The following LHFPL3 variants were observed in gnomAD, a reference collection of about 807,000 sequenced individuals.
LHFPL3 encodes the protein LHFPL tetraspan subfamily member 3 protein.
Under a neutral mutation model 19.3 loss-of-function variants are expected in LHFPL3, and 5 were observed. The ratio of observed to expected loss-of-function variants is 0.26; its 90% confidence interval spans 0.14 to 0.54. The LOEUF is 0.54. Among genes scored for constraint, LHFPL3 ranks in the 20% least tolerant of loss-of-function variants. LHFPL3 has a pLI of 0.94. For missense variants in LHFPL3, 249 were observed against 307.4 expected, an observed-to-expected ratio of 0.81 and a Z score of 1.42; for synonymous variants, 133 against 126.2, an observed-to-expected ratio of 1.05 and a Z score of -0.36.
intron 2 of LHFPL3, among the ~76,000 whole-genome samples, chr7:104,812,458 C>G (rs1323337876): frequency 6.6e-6 from 1 of 152,086 alleles, no homozygotes; most frequent in Non-Finnish European, 1.5e-5. Flanking sequence ...AATCTCTACA[C>G]CAGCCTAGGC....
At chr7:104,648,851 C>T (rs972805955) in intron 1 of LHFPL3, among the ~76,000 whole-genome samples, 4 of 152,206 alleles carry the variant, frequency 2.6e-5, no homozygotes, top group Non-Finnish European at 5.9e-5. Flanking sequence ...TCTTCATCGC[C>T]ATGCAGTGCT....
chr7:104,535,677 C>T (rs1051398957), intron 1 of LHFPL3, among the ~76,000 whole-genome samples: 5 of 152,160 alleles, frequency 3.3e-5, no homozygotes. Context: ...CAAAAAAGCC[C>T]TGTGCCCGTG....
intron 1 of LHFPL3, among the ~76,000 whole-genome samples, chr7:104,604,644 A>G (rs1236454468): frequency 6.6e-6 from 1 of 152,226 alleles, no homozygotes; most frequent in African/African-American, 2.4e-5. Flanking sequence ...AGTTTCTATG[A>G]CTTAAAGTGC....
chr7:104,803,520 C>G (rs1347240077), intron 2 of LHFPL3: 1 of 152,234 alleles, frequency 6.6e-6, no homozygotes, highest in Non-Finnish European at 1.5e-5. Flanking sequence ...CCACATCTTT[C>G]TACCATGCTC....
chr7:104,768,246 T>C (rs544631852), intron 2 of LHFPL3, among the ~76,000 whole-genome samples: 5 of 152,214 alleles, frequency 3.3e-5, no homozygotes, highest in African/African-American at 1.2e-4. Flanking sequence ...CGTTTGCAAG[T>C]ACAGTGACCT....
At chr7:104,746,269 G>T (rs113355971) in intron 2 of LHFPL3, among the ~76,000 whole-genome samples, 2,503 of 152,206 alleles carry the variant, frequency 0.016, 30 homozygotes, top group Admixed American at 0.024. Context: ...CCAAGATCAT[G>T]CCACTGCACT....
rs187035838 is a variant in LHFPL3 at position 104,660,323 on chromosome 7, C to T, written c.446-76352C>T. 4.9e-3 allele frequency among the ~76,000 whole-genome samples: 739 copies of T among 152,336 alleles called. 2 individuals carry two copies. The highest frequency in any genetic ancestry group is 9.0e-3 in the Non-Finnish European group (615 of 68,036). On this transcript the variant is annotated intron_variant, in intron 1 of 2. Transcript: ENST00000424859. The stretch of plus-strand genomic sequence containing the variant: ...GTCAACTCTTTTTGTTTAATTGAAA[C>T]TGTGATCAGTTCACCATCTGGTTTG...
intron 2 of LHFPL3, among the ~76,000 whole-genome samples, chr7:104,771,272 C>G (rs1417071280): frequency 6.6e-6 from 1 of 152,200 alleles, no homozygotes; most frequent in Non-Finnish European, 1.5e-5. Context: ...AGGTGTATGG[C>G]ACTTTCACTT....
intron 1 of LHFPL3, among the ~76,000 whole-genome samples, chr7:104,614,568 A>G (rs923125060): frequency 7.4e-6 from 1 of 135,400 alleles, no homozygotes; most frequent in Admixed American, 7.5e-5. Flanking sequence ...GTACTGTCCA[A>G]AGAGCCTCCT....
intron 2 of LHFPL3, among the ~76,000 whole-genome samples, chr7:104,847,861 T>G (rs1163966422): frequency 1.3e-5 from 2 of 152,216 alleles, no homozygotes; most frequent in African/African-American, 4.8e-5. Flanking sequence ...ATTTAACATT[T>G]TGGTCCATTT....
chr7:104,617,677 T>G (rs1231253112), intron 1 of LHFPL3, among the ~76,000 whole-genome samples: 3 of 152,204 alleles, frequency 2.0e-5, no homozygotes, highest in African/African-American at 7.2e-5. Flanking sequence ...ACTTTCCCTT[T>G]CCATCTGAAT....
chr7:104,367,449 A>G (rs891519514), intron 1 of LHFPL3, among the ~76,000 whole-genome samples: 6 of 152,204 alleles, frequency 3.9e-5, no homozygotes, highest in African/African-American at 1.4e-4. Flanking sequence ...GTTGTACTCA[A>G]ACTTCTGTGT....
chr7:104,344,354 C>T (rs998400232), intron 1 of LHFPL3, among the ~76,000 whole-genome samples: 2 of 151,952 alleles, frequency 1.3e-5, no homozygotes, highest in Non-Finnish European at 2.9e-5. Flanking sequence ...TTTAGTGCAC[C>T]TATAGCCCGA....
chr7:104,482,826 G>T (rs557441539), intron 1 of LHFPL3, among the ~76,000 whole-genome samples: 1 of 152,340 alleles, frequency 6.6e-6, no homozygotes, highest in Non-Finnish European at 1.5e-5. Flanking sequence ...CTCCCGGGCT[G>T]GCTGTGGTCC....
intron 1 of LHFPL3, among the ~76,000 whole-genome samples, chr7:104,596,476 T>G (rs548351074): frequency 1.3e-5 from 2 of 152,364 alleles, no homozygotes; most frequent in Admixed American, 1.3e-4. Flanking sequence ...GTGGTCACTT[T>G]TTCAGCTCTG....
intron 2 of LHFPL3, among the ~76,000 whole-genome samples, chr7:104,871,357 A>C (rs547943124): frequency 2.0e-5 from 3 of 152,332 alleles, no homozygotes; most frequent in Non-Finnish European, 4.4e-5. Flanking sequence ...GTACACCTGC[A>C]TAGGGCACTT....
At chr7:104,629,732 AGT>A (rs1460475466) in intron 1 of LHFPL3, among the ~76,000 whole-genome samples, 3 of 152,174 alleles carry the variant, frequency 2.0e-5, no homozygotes, top group Admixed American at 1.3e-4. Context: ...GTAACTGGCC[AGT>A]GTGTGTGTCA....
intron 1 of LHFPL3, among the ~76,000 whole-genome samples, chr7:104,344,063 T>G (rs1790016433): frequency 6.6e-6 from 1 of 152,156 alleles, no homozygotes; most frequent in African/African-American, 2.4e-5. Flanking sequence ...GTTTTTAAAT[T>G]GTGAATGTAA....
intron 1 of LHFPL3, among the ~76,000 whole-genome samples, chr7:104,569,902 T>C (rs1790196971): frequency 6.6e-6 from 1 of 152,202 alleles, no homozygotes; most frequent in Non-Finnish European, 1.5e-5. Context: ...TGCCATACTA[T>C]CCTCTCTCCA....
Sources: allele counts gnomAD v4.1 joint callset (sites outside exome capture counted in the v4.1 genomes callset), GRCh38; gene constraint gnomAD v4.1.1; transcripts MANE v1.5; gene names NCBI Gene and HGNC (gene_info 2026-07-23, HGNC 2026-07-21).